The following CORIN variants were observed in gnomAD, a reference collection of about 807,000 sequenced individuals.
CORIN encodes atrial natriuretic peptide-converting enzyme.
Under a neutral mutation model 125.3 loss-of-function variants are expected in CORIN, and 117 were observed. That is an observed-to-expected ratio of 0.93 (90% CI 0.80 to 1.09). The LOEUF (loss-of-function observed/expected upper bound fraction) is 1.09, where lower values mean the gene tolerates loss of function less well. Among genes scored for constraint, CORIN ranks in the 50% least tolerant of loss-of-function variants. The pLI, the probability that CORIN is intolerant of heterozygous loss-of-function variation, is 0.00. For missense variants in CORIN, 1,253 were observed against 1,306.7 expected (o/e 0.96, Z 0.63); for synonymous variants, 450 against 466.4 (o/e 0.96, Z 0.45).
intron 6 of CORIN, among the ~76,000 whole-genome samples, chr4:47,688,886 T>G (rs1725643522): frequency 6.6e-6 from 1 of 152,236 alleles, no homozygotes; most frequent in Admixed American, 6.5e-5. Context: ...TTGATGAAAC[T>G]ATTTCTAGCA....
chr4:47,776,139 C>T (rs1316942601), intron 3 of CORIN, among the ~76,000 whole-genome samples: 1 of 151,166 alleles, frequency 6.6e-6, no homozygotes, highest in Non-Finnish European at 1.5e-5. Flanking sequence ...CCCACCTCAG[C>T]CTCCCGAGTA....
At chr4:47,675,620 A>G (rs1724979443) in intron 9 of CORIN, among the ~76,000 whole-genome samples, 1 of 152,214 alleles carries the variant, frequency 6.6e-6, no homozygotes, top group African/African-American at 2.4e-5. Flanking sequence ...GAGCATTAAA[A>G]CATAAAAGGG....
chr4:47,669,694 G>A (rs778940785), intron 10 of CORIN, among the ~76,000 whole-genome samples: 35 of 151,790 alleles, frequency 2.3e-4, no homozygotes, highest in Admixed American at 3.3e-4. Context: ...TCAGCTTCCC[G>A]AGTAGCTGGG....
At chr4:47,757,872 A>ATTATGTATG (rs565318697) in intron 4 of CORIN, among the ~76,000 whole-genome samples, 1 of 110,234 alleles carries the variant, frequency 9.1e-6, no homozygotes, top group Non-Finnish European at 1.8e-5. Flanking sequence ...ATATACATAT[A>ATTATGTATG]TATATGTATA....
At chr4:47,638,212 T>C (rs1239076723) in intron 16 of CORIN, among the ~76,000 whole-genome samples, 1 of 151,746 alleles carries the variant, frequency 6.6e-6, no homozygotes, top group African/African-American at 2.4e-5. Flanking sequence ...TCTAGGAAAC[T>C]AATTTGCTTT....
At chr4:47,751,957 C>A (rs1287648350) in intron 4 of CORIN, among the ~76,000 whole-genome samples, 2 of 151,410 alleles carry the variant, frequency 1.3e-5, no homozygotes, top group African/African-American at 4.8e-5. Flanking sequence ...TTACGTCAGG[C>A]CCCCCCACCC....
chr4:47,701,655 C>G (rs1262045077), intron 5 of CORIN, among the ~76,000 whole-genome samples: 2 of 151,994 alleles, frequency 1.3e-5, no homozygotes, highest in Non-Finnish European at 2.9e-5. Flanking sequence ...AAATCCTACC[C>G]AGTAGATTTT....
chr4:47,680,034 G>A (rs1725195381), intron 8 of CORIN, 107 bp downstream of exon 8: 1 of 653,488 alleles, frequency 1.5e-6, no homozygotes, highest in East Asian at 2.9e-5. Context: ...CTTTCCCTTG[G>A]AATGCTGTGT....
chr4:47,815,828 T>C (rs1036247539), intron 1 of CORIN, among the ~76,000 whole-genome samples: 2 of 152,204 alleles, frequency 1.3e-5, no homozygotes, highest in African/African-American at 4.8e-5. Context: ...ATTTCACATC[T>C]TGATTATTCG....
At chr4:47,797,863 C>T (rs890014702) in intron 2 of CORIN, among the ~76,000 whole-genome samples, 4 of 152,052 alleles carry the variant, frequency 2.6e-5, no homozygotes, top group Non-Finnish European at 5.9e-5. Context: ...CCTAAACTCC[C>T]ATGTCTAGTA....
chr4:47,819,455 G>A (rs965643934), intron 1 of CORIN, among the ~76,000 whole-genome samples: 1 of 152,124 alleles, frequency 6.6e-6, no homozygotes, highest in East Asian at 1.9e-4. Flanking sequence ...AACTCAACAG[G>A]GCCTTCCTAG....
intron 6 of CORIN, among the ~76,000 whole-genome samples, chr4:47,691,686 A>C (rs1725777868): frequency 6.6e-6 from 1 of 152,028 alleles, no homozygotes; most frequent in Non-Finnish European, 1.5e-5. Flanking sequence ...TAATATACAA[A>C]TGTGTATTCT....
intron 3 of CORIN, among the ~76,000 whole-genome samples, chr4:47,782,530 A>T (rs1159580131): frequency 6.6e-6 from 1 of 152,226 alleles, no homozygotes; most frequent in Non-Finnish European, 1.5e-5. Flanking sequence ...AAATAACACA[A>T]TTCCACTTCT....
chr4:47,682,538 T>C (rs1366170085), intron 7 of CORIN: 1 of 151,994 alleles, frequency 6.6e-6, no homozygotes, highest in Non-Finnish European at 1.5e-5. Flanking sequence ...TAGGTTTTTA[T>C]AGCACTGGAT....
At chr4:47,809,697 C>T (rs866726794) in intron 1 of CORIN, among the ~76,000 whole-genome samples, 4 of 152,162 alleles carry the variant, frequency 2.6e-5, no homozygotes, top group South Asian at 2.1e-4. Flanking sequence ...TAAGCCACCA[C>T]GCCCAGCCAG....
At position 47,744,594 on chromosome 4, in the gene CORIN, A is replaced by C; in HGVS notation, c.618-11T>G. On this transcript the variant is annotated splice_polypyrimidine_tract_variant and intron_variant, in intron 4 of 21. Transcript: ENST00000273857. The stretch of plus-strand genomic sequence containing the variant: ...GGCAGGAGTCCATGACTAAAAAAAA[A>C]AAAAGAGAAAGGTGAAAATTAGTGT... 1 of 1,563,498 alleles carries C rather than the reference A, an allele frequency of 6.4e-7. No homozygotes were observed. The highest frequency in any genetic ancestry group is 2.3e-5 in the East Asian group (1 of 44,328).
intron 1 of CORIN, among the ~76,000 whole-genome samples, chr4:47,824,402 G>A (rs1732651779): frequency 6.6e-6 from 1 of 152,028 alleles, no homozygotes. Context: ...CACTGACCAA[G>A]GCACACCCAG....
chr4:47,811,395 T>C (rs991162010), intron 1 of CORIN, among the ~76,000 whole-genome samples: 8 of 152,184 alleles, frequency 5.3e-5, no homozygotes, highest in African/African-American at 1.7e-4. Flanking sequence ...GAGATTATAG[T>C]TGACATTTCA....
At chr4:47,618,774 G>A (rs1051974346) in intron 19 of CORIN, among the ~76,000 whole-genome samples, 1 of 151,658 alleles carries the variant, frequency 6.6e-6, no homozygotes, top group Non-Finnish European at 1.5e-5. Context: ...AGCCAAGATC[G>A]CGCGGCTGCA....
Sources: gnomAD v4.1 joint callset for allele counts (sites outside exome capture counted in the v4.1 genomes callset) on GRCh38, gnomAD v4.1.1 for gene constraint, MANE v1.5 for transcripts, NCBI Gene and HGNC (gene_info 2026-07-23, HGNC 2026-07-21) for gene names.